Variants in RBM33 observed in about 807,000 individuals in gnomAD.
RBM33 encodes the protein RNA-binding protein 33.
Under a neutral mutation model 132.6 loss-of-function variants are expected in RBM33, and 28 were observed. That is an observed-to-expected ratio of 0.21 (90% CI 0.16 to 0.29). The LOEUF is 0.29. Among genes scored for constraint, RBM33 ranks in the 10% least tolerant of loss-of-function variants. RBM33 has a pLI of 1.00. For missense variants in RBM33, 1,291 were observed against 1,518.5 expected (o/e 0.85, Z 2.49); for synonymous variants, 634 against 593.0 (o/e 1.07, Z -1.01).
intron 2 of RBM33, 110 bp from the exon 3 acceptor site, chr7:155,672,757 A>G: frequency 1.5e-6 from 1 of 681,160 alleles, no homozygotes; most frequent in East Asian, 3.1e-5. Flanking sequence ...AAAAAAAAAA[A>G]AAAAAAAAGG....
intron 1 of RBM33, among the ~76,000 whole-genome samples, chr7:155,648,179 C>G (rs1422802984): frequency 6.6e-6 from 1 of 152,196 alleles, no homozygotes; most frequent in Non-Finnish European, 1.5e-5. Flanking sequence ...CACCTAGCAT[C>G]AACATTCTGG....
At chr7:155,717,503 G>A (rs1800498544) in intron 8 of RBM33, among the ~76,000 whole-genome samples, 1 of 101,818 alleles carries the variant, frequency 9.8e-6, no homozygotes, top group Admixed American at 1.0e-4. Context: ...CGGGGGGTTG[G>A]GGCTTCAACG....
At chr7:155,764,858 T>G (rs893040512) in intron 15 of RBM33, among the ~76,000 whole-genome samples, 1 of 152,266 alleles carries the variant, frequency 6.6e-6, no homozygotes, top group Non-Finnish European at 1.5e-5. Flanking sequence ...CTATTCTGGC[T>G]CCTTTTGAAG....
intron 14 of RBM33, among the ~76,000 whole-genome samples, chr7:155,759,238 C>T (rs1158487321): frequency 1.3e-5 from 2 of 151,938 alleles, no homozygotes; most frequent in Non-Finnish European, 2.9e-5. Context: ...AGAGATCAAG[C>T]CTACTTAAAA....
intron 3 of RBM33, 69 bp from the exon 4 acceptor site, chr7:155,678,539 A>G: frequency 3.0e-6 from 3 of 984,776 alleles, no homozygotes; most frequent in Admixed American, 4.6e-5. Context: ...AGTCAGTGTA[A>G]TTTTGTGCTT....
Position 155,744,974 on chromosome 7 carries a change from A to C in RBM33, c.2351A>C (p.Asp784Ala). The change falls in exon 14 of 18, where the codon GAT becomes GCT. Residue 784 changes from aspartate (D) to alanine (A), a missense_variant. By Grantham distance (126) the Asp-to-Ala change is moderately radical. Around this residue, in one of 7 missense-constraint regions of RBM33, gnomAD observed 841 missense variants for 912.0 expected, o/e 0.92. Transcript: ENST00000401878. ...TTTCCATTTTAGTTTCCTGATGAAG[A>C]TGAGGAAACAAGGTTATATCGCTTA... ...AKTETEFPDE[D>A]EETRLYRLKI... 2 of 1,564,366 alleles carry C rather than the reference A, an allele frequency of 1.3e-6. No homozygotes were observed. Among genetic ancestry groups the C allele is most frequent in the Non-Finnish European group, 1.7e-6 (2 of 1,159,326 alleles).
At chr7:155,742,242 TAAC>T (rs1801368157) in intron 13 of RBM33, 136 bp downstream of exon 13, 19 of 736,944 alleles carry the variant, frequency 2.6e-5, no homozygotes, top group Non-Finnish European at 3.8e-5. Context: ...TTTTTTTTTT[TAAC>T]CTAACAGCCA....
intron 3 of RBM33, among the ~76,000 whole-genome samples, chr7:155,675,277 GAGTGAGA>G (rs1799147243): frequency 7.0e-6 from 1 of 142,126 alleles, no homozygotes; most frequent in Non-Finnish European, 1.5e-5. Context: ...CTGGGAGACG[GAGTGAGA>G]CTCCGTCTCA....
chr7:155,672,600 C>T (rs1366820491), intron 2 of RBM33, among the ~76,000 whole-genome samples: 1 of 152,068 alleles, frequency 6.6e-6, no homozygotes, highest in Middle Eastern at 3.2e-3. Context: ...ACTAAAGATA[C>T]ACAAAATTAG....
At chr7:155,729,028 AG>A (rs1248632994) in intron 9 of RBM33, among the ~76,000 whole-genome samples, 3 of 152,224 alleles carry the variant, frequency 2.0e-5, no homozygotes, top group Non-Finnish European at 4.4e-5. Flanking sequence ...TAAAGAAAAA[AG>A]GTTTAATTGA....
At chr7:155,724,801 C>T (rs1800733046) in intron 9 of RBM33, among the ~76,000 whole-genome samples, 1 of 152,136 alleles carries the variant, frequency 6.6e-6, no homozygotes, top group Non-Finnish European at 1.5e-5. Flanking sequence ...TGGCTGCTTT[C>T]CTGTAGTATA....
chr7:155,752,403 G>A (rs1801712357), intron 14 of RBM33, among the ~76,000 whole-genome samples: 1 of 152,168 alleles, frequency 6.6e-6, no homozygotes, highest in African/African-American at 2.4e-5. Flanking sequence ...TGGGAATTAG[G>A]AAGTAATTTT....
At chr7:155,645,053 G>T in intron 1 of RBM33, 134 bp downstream of exon 1, 1 of 603,514 alleles carries the variant, frequency 1.7e-6, no homozygotes, top group East Asian at 3.5e-5. Flanking sequence ...GGCCTATTCC[G>T]TTTTCTCCCT....
chr7:155,738,779 AAG>A, intron 11 of RBM33: 1 of 202,776 alleles, frequency 4.9e-6, no homozygotes, highest in South Asian at 8.3e-5. Flanking sequence ...CAGTTTTGAA[AAG>A]AGTCTTTGCA....
intron 1 of RBM33, among the ~76,000 whole-genome samples, chr7:155,664,282 A>G (rs1798737335): frequency 6.6e-6 from 1 of 151,348 alleles, no homozygotes; most frequent in African/African-American, 2.4e-5. Context: ...TTTTTGAGAC[A>G]GAGTTTCTGT....
intron 1 of RBM33, among the ~76,000 whole-genome samples, chr7:155,660,061 T>C (rs1043366152): frequency 2.0e-5 from 3 of 152,234 alleles, no homozygotes; most frequent in African/African-American, 7.2e-5. Flanking sequence ...AACTTGATTA[T>C]ATCTGTAAAT....
chr7:155,679,181 A>C (rs1352309313), intron 4 of RBM33, among the ~76,000 whole-genome samples: 1 of 152,184 alleles, frequency 6.6e-6, no homozygotes. Flanking sequence ...TAAAAAAAAA[A>C]AAACAAAAAA....
At chr7:155,699,898 T>C (rs1278480907) in intron 5 of RBM33, among the ~76,000 whole-genome samples, 1 of 152,160 alleles carries the variant, frequency 6.6e-6, no homozygotes, top group African/African-American at 2.4e-5. Flanking sequence ...AAGGAGCAAA[T>C]ATATTCTCCT....
chr7:155,680,606 A>G lies in RBM33; in HGVS notation c.265A>G (p.Ile89Val), dbSNP rs772468707. The G allele has an allele frequency of 1.5e-5, 24 of 1,598,478 alleles. No homozygotes were observed. The highest frequency in any genetic ancestry group is 4.5e-5 in the South Asian group (4 of 89,220). Reference sequence around the variant, plus strand: ...CCTCTCTAGTTCTCAGGGTGTTACAATTAGTCTGAATGCTACATCTGGCAT... The same window carrying G: ...CCTCTCTAGTTCTCAGGGTGTTACAGTTAGTCTGAATGCTACATCTGGCAT... ...EENFSSQGVT[I>V]SLNATSGMVT... Residue 89 changes from isoleucine to valine, a missense_variant, in exon 5 of 18, where the codon ATT (isoleucine) becomes GTT (valine). Ile to Val is a conservative substitution (Grantham distance 29). Around this residue, in one of 7 missense-constraint regions of RBM33, gnomAD observed 194 missense variants for 249.8 expected, o/e 0.78. Transcript: ENST00000401878.
Sources: gnomAD v4.1 joint callset for allele counts (sites outside exome capture counted in the v4.1 genomes callset) on GRCh38, gnomAD v4.1.1 for gene constraint, gnomAD v4.1.1 regional missense constraint, MANE v1.5 for transcripts, NCBI Gene and HGNC (gene_info 2026-07-23, HGNC 2026-07-21) for gene names.